KCTD2: variants seen among roughly 807,000 people sequenced by gnomAD.
KCTD2 encodes the protein BTB/POZ domain-containing protein KCTD2.
Under a neutral mutation model 27.9 loss-of-function variants are expected in KCTD2, and 18 were observed. That is an observed-to-expected ratio of 0.64 (90% CI 0.45 to 0.96). The LOEUF (loss-of-function observed/expected upper bound fraction) is 0.96, where lower values mean the gene tolerates loss of function less well. Among genes scored for constraint, KCTD2 ranks in the 40% least tolerant of loss-of-function variants. KCTD2 has a pLI of 0.00. For missense variants in KCTD2, 280 were observed against 348.0 expected, an observed-to-expected ratio of 0.80 and a Z score of 1.56; for synonymous variants, 175 against 148.4, an observed-to-expected ratio of 1.18 and a Z score of -1.30.
chr17:75,045,697 T>C (rs2073208141), upstream of KCTD2, among the ~76,000 whole-genome samples: 1 of 152,266 alleles, frequency 6.6e-6, no homozygotes, highest in Admixed American at 6.5e-5. Flanking sequence ...GCTGTTATCC[T>C]GTTCTTTTTT....
At chr17:75,033,717 G>A (rs1428439167) in intron 1 of KCTD2, among the ~76,000 whole-genome samples, 1 of 152,224 alleles carries the variant, frequency 6.6e-6, no homozygotes, top group Non-Finnish European at 1.5e-5. Flanking sequence ...GCCGGGGGCT[G>A]GGGGCTGGTG....
chr17:75,039,327 G>C lies in KCTD2; in HGVS notation c.-259+3970G>C, dbSNP rs372152326. The C allele has an allele frequency of 2.7e-5, 41 of 1,528,356 alleles. No homozygotes were observed. In the African/African-American group the frequency reaches 4.9e-4, roughly 18 times the overall value. 94.7% of individuals were successfully genotyped at this position (1,528,356 alleles called of 1,614,324 possible). ...AACCAGGCTGCATTCTACCCCAGCAGCTGCTAAGGTAGGAGTCGTCCCAGC... is the reference window on the plus strand; with the variant it reads ...AACCAGGCTGCATTCTACCCCAGCACCTGCTAAGGTAGGAGTCGTCCCAGC... On this transcript the variant is annotated intron_variant, in intron 3 of 7. Coordinates refer to the KCTD2 transcript ENST00000581589.
chr17:75,049,164 T>G, intron 1 of KCTD2, 56 bp from the exon 2 acceptor site: 1 of 1,064,658 alleles, frequency 9.4e-7, no homozygotes, highest in African/African-American at 1.6e-5. Context: ...CTGCCCTGCC[T>G]TTGTTTAAAA....
At chr17:75,055,522 C>T (rs1258285591) in intron 3 of KCTD2, among the ~76,000 whole-genome samples, 1 of 151,360 alleles carries the variant, frequency 6.6e-6, no homozygotes, top group Non-Finnish European at 1.5e-5. Context: ...TCAAGACCAG[C>T]CTGGCCAACA....
chr17:75,042,166 G>T, intron 3 of KCTD2: 1 of 1,608,914 alleles, frequency 6.2e-7, no homozygotes, highest in Non-Finnish European at 8.5e-7. Flanking sequence ...GTGCTTTAGA[G>T]GTGTGAAGTC....
chr17:75,040,483 C>G, intron 3 of KCTD2: 1 of 350,392 alleles, frequency 2.9e-6, no homozygotes, highest in Non-Finnish European at 5.3e-6. Context: ...CAAAAAATGG[C>G]CTCTTAGCAC....
chr17:75,034,538 G>A (rs958578758), intron 2 of KCTD2, among the ~76,000 whole-genome samples: 1 of 152,202 alleles, frequency 6.6e-6, no homozygotes, highest in Non-Finnish European at 1.5e-5. Context: ...CTCCTTGATA[G>A]GTGTTCAACC....
chr17:75,045,977 A>C (rs1473500814), upstream of KCTD2, among the ~76,000 whole-genome samples: 2 of 152,260 alleles, frequency 1.3e-5, no homozygotes, highest in Middle Eastern at 3.2e-3. Flanking sequence ...AAATGTCCAT[A>C]AAATCTTCAC....
intron 3 of KCTD2, chr17:75,039,826 T>C (rs1598685324): frequency 4.3e-6 from 2 of 469,698 alleles, no homozygotes; most frequent in South Asian, 5.5e-5. Context: ...CTCTCAACCA[T>C]CCCCAGGCAG....
upstream of KCTD2, chr17:75,042,487 T>C: frequency 6.3e-7 from 1 of 1,595,530 alleles, no homozygotes. Flanking sequence ...TGTTTCTAGA[T>C]TCAGTGGCAA....
chr17:75,053,178 G>GC, intron 3 of KCTD2, 73 bp downstream of exon 3: 2 of 1,207,038 alleles, frequency 1.7e-6, no homozygotes, highest in African/African-American at 1.5e-5. Context: ...ATTTGAAAAG[G>GC]ATGCCTTTAC....
intron 1 of KCTD2, among the ~76,000 whole-genome samples, chr17:75,047,952 T>C (rs1256521129): frequency 6.6e-6 from 1 of 152,114 alleles, no homozygotes; most frequent in African/African-American, 2.4e-5. Context: ...GTCCCCCCAC[T>C]GCCGGTGCCA....
chr17:75,047,415 G>A lies in KCTD2; in HGVS notation c.165G>A (p.Leu55=). 1 of 1,233,454 alleles carries A rather than the reference G, an allele frequency of 8.1e-7. No homozygotes were observed. Among genetic ancestry groups the A allele is most frequent in the South Asian group, 3.3e-5 (1 of 30,120 alleles). The allele number at this position is 1,233,454 out of a possible 1,614,324, so 76.4% of individuals were successfully genotyped here. A position where few individuals can be genotyped will look rare whatever the true frequency, so the allele number is the denominator to read the frequency against. The part of the protein sequence containing the change: ...GRPAAAVAQP[L]EPGPGPPERA... ...CGGCTGCCGCCGTCGCGCAGCCGCTGGAGCCGGGTCCCGGACCACCCGAGC... is the reference window on the plus strand; with the variant it reads ...CGGCTGCCGCCGTCGCGCAGCCGCTAGAGCCGGGTCCCGGACCACCCGAGC... The change falls in exon 1 of 6, where the codon CTG becomes CTA. Residue 55 remains leucine (L), a synonymous_variant. Transcript: ENST00000322444.
chr17:75,047,887 C>A (rs1189853441), intron 1 of KCTD2, among the ~76,000 whole-genome samples: 1 of 152,182 alleles, frequency 6.6e-6, no homozygotes, highest in South Asian at 2.1e-4. Flanking sequence ...TCTCCATATT[C>A]TCTGCCCCTG....
chr17:75,039,136 C>A, intron 3 of KCTD2: 1 of 1,611,620 alleles, frequency 6.2e-7, no homozygotes, highest in Non-Finnish European at 8.5e-7. Flanking sequence ...CAGGTTCCTG[C>A]CACCAGGTGA....
At chr17:75,054,649 C>CA (rs1209930061) in intron 3 of KCTD2, among the ~76,000 whole-genome samples, 1 of 151,504 alleles carries the variant, frequency 6.6e-6, no homozygotes, top group African/African-American at 2.4e-5. Flanking sequence ...ACTAAAAATA[C>CA]AAAAAAAATT....
upstream of KCTD2, among the ~76,000 whole-genome samples, chr17:75,044,214 T>TAG (rs1259278056): frequency 0.019 from 1,537 of 79,180 alleles, 282 homozygotes; most frequent in African/African-American, 0.15. Context: ...TTTTTTTTTT[T>TAG]TTGAGACGGA....
At chr17:75,046,651 G>C (rs548348812), upstream of KCTD2, among the ~76,000 whole-genome samples, 13 of 152,376 alleles carry the variant, frequency 8.5e-5, no homozygotes, top group South Asian at 2.7e-3. Flanking sequence ...CTGCCGCGCT[G>C]GGAGCGGACT....
At chr17:75,060,549 G>T in intron 4 of KCTD2, 1 of 1,612,962 alleles carries the variant, frequency 6.2e-7, no homozygotes, top group Non-Finnish European at 8.5e-7. Flanking sequence ...TTTCACTTCT[G>T]TGTTGTCCTG....
Sources: gnomAD v4.1 joint callset for allele counts (sites outside exome capture counted in the v4.1 genomes callset) on GRCh38, gnomAD v4.1.1 for gene constraint, MANE v1.5 for transcripts, NCBI Gene and HGNC (gene_info 2026-07-23, HGNC 2026-07-21) for gene names.